Variants in GLRB observed in about 807,000 individuals in gnomAD.
The protein encoded by GLRB is glycine receptor beta, also known as glycine receptor subunit beta.
Under a neutral mutation model 54.2 loss-of-function variants are expected in GLRB, and 33 were observed. The ratio of observed to expected loss-of-function variants is 0.61; its 90% CI spans 0.46 to 0.81. GLRB has a LOEUF of 0.81. Ranked by LOEUF, GLRB falls within the 40% of genes least tolerant of loss-of-function variation. The pLI, the probability that GLRB is intolerant of heterozygous loss-of-function variation, is 0.00. For synonymous variants in GLRB, 209 were observed against 208.2 expected, an observed-to-expected ratio of 1.00 and a Z score of -0.03; for missense variants, 572 against 584.6, an observed-to-expected ratio of 0.98 and a Z score of 0.22.
At chr4:157,124,369 T>G (rs1735938392) in intron 4 of GLRB, among the ~76,000 whole-genome samples, 1 of 151,800 alleles carries the variant, frequency 6.6e-6, no homozygotes, top group Non-Finnish European at 1.5e-5. Flanking sequence ...GTCTGTTACT[T>G]TAATAGCTTC....
intron 2 of GLRB, among the ~76,000 whole-genome samples, chr4:157,120,130 A>G (rs1472696550): frequency 6.6e-6 from 1 of 150,972 alleles, no homozygotes; most frequent in Non-Finnish European, 1.5e-5. Context: ...AACTGTCGCA[A>G]GAACAAAAAA....
chr4:157,098,912 A>G (rs1262425740), intron 2 of GLRB, among the ~76,000 whole-genome samples: 1 of 152,092 alleles, frequency 6.6e-6, no homozygotes, highest in Non-Finnish European at 1.5e-5. Flanking sequence ...CTGGCTGAAA[A>G]TCACTTTTTT....
At chr4:157,167,713 A>T (rs1397005113) in intron 9 of GLRB, among the ~76,000 whole-genome samples, 1 of 152,144 alleles carries the variant, frequency 6.6e-6, no homozygotes, top group East Asian at 1.9e-4. Context: ...TTGTGCTGCT[A>T]TAAAGGAAAT....
intron 6 of GLRB, among the ~76,000 whole-genome samples, chr4:157,137,496 A>G (rs899274827): frequency 6.6e-6 from 1 of 151,694 alleles, no homozygotes; most frequent in Non-Finnish European, 1.5e-5. Context: ...AAAAAAAAAC[A>G]CAAATGCAAG....
intron 4 of GLRB, among the ~76,000 whole-genome samples, chr4:157,125,547 T>G (rs1735986475): frequency 6.6e-6 from 1 of 151,884 alleles, no homozygotes; most frequent in Non-Finnish European, 1.5e-5. Flanking sequence ...AAAACTGAAT[T>G]ATTTCTAATT....
chr4:157,115,946 T>C (rs1037466224), intron 2 of GLRB, among the ~76,000 whole-genome samples: 2 of 151,768 alleles, frequency 1.3e-5, no homozygotes, highest in African/African-American at 4.8e-5. Flanking sequence ...AATAAAACAA[T>C]TCCTTTAGAC....
At chr4:157,092,584 A>G (rs1734659216) in intron 2 of GLRB, among the ~76,000 whole-genome samples, 1 of 152,202 alleles carries the variant, frequency 6.6e-6, no homozygotes. Context: ...ACCTTATTAC[A>G]CATAGCTTTC....
In GLRB at chr4:157,171,689, A is replaced by G. The variant is rs1490053716; in HGVS notation, c.*961A>G. On this transcript the variant is annotated 3_prime_UTR_variant, in exon 10 of 10. Transcript: ENST00000264428. ...TTTATTAAAATGCTTGCATATTTTA[A>G]GTAAAATTAAAAATGTTTACTGAAT... 6.6e-6 allele frequency: 1 copy of G among 152,258 alleles called. No homozygotes were observed. Among genetic ancestry groups the G allele is most frequent in the African/African-American group, 2.4e-5 (1 of 41,444 alleles). 9.4% of individuals were successfully genotyped at this position (152,258 alleles called of 1,614,324 possible). A position where few individuals can be genotyped will look rare whatever the true frequency, so the allele number is the denominator to read the frequency against.
intron 9 of GLRB, among the ~76,000 whole-genome samples, chr4:157,162,166 T>C (rs1420851678): frequency 6.6e-6 from 1 of 152,238 alleles, no homozygotes; most frequent in Non-Finnish European, 1.5e-5. Context: ...TCTCGTGCCA[T>C]GGTTTTCAGC....
intron 2 of GLRB, among the ~76,000 whole-genome samples, chr4:157,090,602 T>C (rs1257826248): frequency 6.6e-6 from 1 of 152,228 alleles, no homozygotes; most frequent in East Asian, 1.9e-4. Flanking sequence ...AGAGGTGCAA[T>C]GTGAAATCTG....
At chr4:157,143,508 A>C (rs140475384) in intron 7 of GLRB, among the ~76,000 whole-genome samples, 2 of 152,136 alleles carry the variant, frequency 1.3e-5, no homozygotes, top group Non-Finnish European at 2.9e-5. Flanking sequence ...GTTCAACTCT[A>C]TTGCCAATTC....
intron 4 of GLRB, among the ~76,000 whole-genome samples, chr4:157,133,974 G>C (rs1444761483): frequency 6.6e-6 from 1 of 151,932 alleles, no homozygotes; most frequent in Admixed American, 6.6e-5. Flanking sequence ...TTTGAAAATA[G>C]GTAGAACATG....
At chr4:157,122,564 A>G (rs1196357854) in intron 4 of GLRB, among the ~76,000 whole-genome samples, 167 bp downstream of exon 4, 1 of 151,738 alleles carries the variant, frequency 6.6e-6, no homozygotes, top group African/African-American at 2.4e-5. Flanking sequence ...TCAGTTACCC[A>G]CATAATTTTG....
intron 9 of GLRB, among the ~76,000 whole-genome samples, chr4:157,166,150 A>G (rs1427290481): frequency 6.6e-6 from 1 of 152,026 alleles, no homozygotes; most frequent in African/African-American, 2.4e-5. Flanking sequence ...TATTCTTGAC[A>G]GTTTCATTAT....
At chr4:157,088,557 A>G (rs1734494101) in intron 2 of GLRB, among the ~76,000 whole-genome samples, 1 of 152,040 alleles carries the variant, frequency 6.6e-6, no homozygotes, top group Non-Finnish European at 1.5e-5. Flanking sequence ...TTTCAGTGTT[A>G]GCATAACATT....
rs190362376 is a variant in GLRB, at chr4:157,140,956, G to T, written c.751+2007G>T. ...GGAGTGTTCATTTTTTCACTTTTAA[G>T]CTCTACATTAAAAAAAATCTCCATT... On this transcript the variant is annotated intron_variant, in intron 7 of 9. Transcript: ENST00000264428. Among the ~76,000 whole-genome samples the T allele has an allele frequency of 6.9e-3, 1,051 of 151,540 alleles. 11 individuals carry two copies. The highest frequency in any genetic ancestry group is 0.024 in the African/African-American group (995 of 41,362).
At chr4:157,096,772 A>G (rs779159876) in intron 2 of GLRB, among the ~76,000 whole-genome samples, 2 of 152,244 alleles carry the variant, frequency 1.3e-5, no homozygotes, top group East Asian at 1.9e-4. Context: ...AAGATATTAT[A>G]TAAAGAGAAG....
At chr4:157,105,210 T>C (rs1194042408) in intron 2 of GLRB, among the ~76,000 whole-genome samples, 1 of 151,878 alleles carries the variant, frequency 6.6e-6, no homozygotes, top group Non-Finnish European at 1.5e-5. Context: ...ACTTCTTTTT[T>C]TGCATCCCAT....
rs111788364 is a variant in GLRB at position 157,089,162 on chromosome 4, G to A, written c.122+11016G>A. Among the ~76,000 whole-genome samples, 472 of 152,208 alleles carry A rather than the reference G, an allele frequency of 3.1e-3. 3 individuals carry two copies. Among genetic ancestry groups the A allele is most frequent in the African/African-American group, 0.011 (437 of 41,514 alleles). On this transcript the variant is annotated intron_variant, in intron 2 of 9. Coordinates refer to ENST00000264428, the MANE Select transcript of GLRB (RefSeq NM_000824.5). ...CTCAATACTTCAGGAAGCCAAAGTGGGAGGATCACTTGAGCCCAGGAGTTC... is the reference window on the plus strand; with the variant it reads ...CTCAATACTTCAGGAAGCCAAAGTGAGAGGATCACTTGAGCCCAGGAGTTC...
Sources: allele counts gnomAD v4.1 joint callset (sites outside exome capture counted in the v4.1 genomes callset), GRCh38; gene constraint gnomAD v4.1.1; transcripts MANE v1.5; gene names NCBI Gene and HGNC (gene_info 2026-07-23, HGNC 2026-07-21).